Variants in DCDC2C observed in about 807,000 individuals in gnomAD.
DCDC2C encodes the protein doublecortin domain containing 2C, also known as doublecortin domain-containing protein 2C.
A neutral mutation model predicts 45.0 loss-of-function variants in DCDC2C; 44 were observed. The observed-to-expected ratio is 0.98, with a 90% confidence interval of 0.77 to 1.26. The LOEUF is 1.26. Ranked by LOEUF, DCDC2C falls within the 50% of genes most tolerant of loss-of-function variation. DCDC2C has a pLI of 0.00. For missense variants in DCDC2C, 447 were observed against 468.9 expected (o/e 0.95, Z 0.43); for synonymous variants, 187 against 178.8 (o/e 1.05, Z -0.37).
intron 7 of DCDC2C, 171 bp from the exon 8 acceptor site, chr2:3,769,140 G>A: frequency 1.7e-6 from 1 of 590,894 alleles, no homozygotes; most frequent in Non-Finnish European, 3.0e-6. Flanking sequence ...CAAACAGGAA[G>A]GGCGAGAGGG....
At chr2:3,801,535 A>C (rs567010078) in intron 10 of DCDC2C, among the ~76,000 whole-genome samples, 1 of 152,380 alleles carries the variant, frequency 6.6e-6, no homozygotes, top group South Asian at 2.1e-4. Flanking sequence ...AAAATCTCTA[A>C]AACTGTAACA....
At chr2:3,793,884 G>A (rs1572622984) in intron 10 of DCDC2C, among the ~76,000 whole-genome samples, 1 of 152,188 alleles carries the variant, frequency 6.6e-6, no homozygotes, top group Non-Finnish European at 1.5e-5. Flanking sequence ...TTTTAATGCA[G>A]TCTTTCTATT....
intron 3 of DCDC2C, among the ~76,000 whole-genome samples, chr2:3,739,852 G>A (rs1336428925): frequency 6.6e-6 from 1 of 152,242 alleles, no homozygotes; most frequent in African/African-American, 2.4e-5. Context: ...AGAGCAGCCT[G>A]TAACACAGGC....
chr2:3,821,888 G>A (rs1671696042), intron 10 of DCDC2C, among the ~76,000 whole-genome samples: 3 of 152,104 alleles, frequency 2.0e-5, no homozygotes. Flanking sequence ...ATAATTAAAT[G>A]CTTTATATTA....
At chr2:3,704,189 G>A (rs1369899480) in intron 1 of DCDC2C, 151 bp downstream of exon 1, 5 of 720,434 alleles carry the variant, frequency 6.9e-6, no homozygotes, top group Admixed American at 4.4e-5. Context: ...CGCAGCCGGC[G>A]TCGGGCCGCC....
At chr2:3,778,935 A>AGAG in intron 9 of DCDC2C, 51 bp downstream of exon 9, 1 of 1,500,718 alleles carries the variant, frequency 6.7e-7, no homozygotes, top group Non-Finnish European at 9.1e-7. Flanking sequence ...GGCACCTGAC[A>AGAG]CTTTGAACAG....
intron 3 of DCDC2C, 139 bp downstream of exon 3, chr2:3,727,218 C>A: frequency 1.5e-6 from 1 of 651,800 alleles, no homozygotes. Flanking sequence ...TGTGCTCTCA[C>A]TTCCTGACAG....
chr2:3,725,477 CAGAGGAAGACGAGCAGAGAG>C (rs1668626794), intron 2 of DCDC2C, among the ~76,000 whole-genome samples: 1 of 28,788 alleles, frequency 3.5e-5, no homozygotes, highest in Non-Finnish European at 1.0e-4. Flanking sequence ...CGGTGGATCC[CAGAGGAAGACGAGCAGAGAG>C]GGAGGAGGCT....
At chr2:3,779,307 G>T (rs1455599481) in intron 9 of DCDC2C, among the ~76,000 whole-genome samples, 1 of 152,192 alleles carries the variant, frequency 6.6e-6, no homozygotes, top group Non-Finnish European at 1.5e-5. Context: ...CCGCCGGGGA[G>T]CACGAGGGTG....
In DCDC2C at chr2:3,741,821, A is replaced by G. The variant is rs1669219067; in HGVS notation, c.417-99A>G. On this transcript the variant is annotated intron_variant, in intron 3 of 10. Transcript: ENST00000399143. ...TATTGGAGGCTGCTTAGTGCATCTC[A>G]TTGTTTTTACAGTTCTGTAATTGTA... is the stretch of plus-strand genomic sequence containing the variant. 6.2e-6 allele frequency: 8 copies of G among 1,300,802 alleles called. No individual in the cohort carries two copies. The South Asian group carries it at 1.1e-4, about 18-fold the overall frequency. The allele number at this position is 1,300,802 out of a possible 1,614,324, so 80.6% of individuals were successfully genotyped here.
At chr2:3,792,311 G>T (rs1319482640) in intron 10 of DCDC2C, among the ~76,000 whole-genome samples, 1 of 152,198 alleles carries the variant, frequency 6.6e-6, no homozygotes, top group Non-Finnish European at 1.5e-5. Context: ...CCAGCCCCTG[G>T]TGTCTGGGGC....
At chr2:3,820,783 A>T (rs1263308635) in intron 10 of DCDC2C, among the ~76,000 whole-genome samples, 1 of 152,076 alleles carries the variant, frequency 6.6e-6, no homozygotes, top group Non-Finnish European at 1.5e-5. Context: ...GAGAGGCTGG[A>T]GAAGAGAGTG....
chr2:3,745,725 C>G (rs1348036816), intron 4 of DCDC2C, among the ~76,000 whole-genome samples: 2 of 151,914 alleles, frequency 1.3e-5, no homozygotes, highest in African/African-American at 2.4e-5. Flanking sequence ...GAAACGAAGA[C>G]AGTTCTTTTT....
intron 2 of DCDC2C, among the ~76,000 whole-genome samples, chr2:3,711,925 A>G (rs936445548): frequency 6.6e-6 from 1 of 152,184 alleles, no homozygotes; most frequent in Non-Finnish European, 1.5e-5. Context: ...GAGCAGTATC[A>G]TGTCAGCGTG....
chr2:3,764,349 G>C (rs1203129462), intron 6 of DCDC2C, among the ~76,000 whole-genome samples: 2 of 152,186 alleles, frequency 1.3e-5, no homozygotes, highest in African/African-American at 4.8e-5. Context: ...CTTTTAGTCA[G>C]TTTTCCAACT....
At chr2:3,822,180 G>A (rs1439882409) in intron 10 of DCDC2C, among the ~76,000 whole-genome samples, 1 of 152,156 alleles carries the variant, frequency 6.6e-6, no homozygotes, top group Non-Finnish European at 1.5e-5. Flanking sequence ...TGGCTGAATA[G>A]TATTCCATTG....
intron 2 of DCDC2C, 137 bp from the exon 3 acceptor site, chr2:3,726,866 C>G: frequency 1.4e-6 from 1 of 715,468 alleles, no homozygotes; most frequent in Non-Finnish European, 2.4e-6. Flanking sequence ...CCTTCCTGGA[C>G]CCGCCCCTGG....
chr2:3,706,645 C>G (rs1333400778), intron 1 of DCDC2C, among the ~76,000 whole-genome samples: 1 of 152,190 alleles, frequency 6.6e-6, no homozygotes, highest in Non-Finnish European at 1.5e-5. Context: ...GTTGCTGAGA[C>G]ATGAATGTGA....
intron 10 of DCDC2C, among the ~76,000 whole-genome samples, chr2:3,846,609 A>G (rs2148251098): frequency 6.6e-6 from 1 of 152,352 alleles, no homozygotes; most frequent in East Asian, 1.9e-4. Context: ...TAATGGATAC[A>G]TAATTTAAAA....
Sources: gnomAD v4.1 joint callset for allele counts (sites outside exome capture counted in the v4.1 genomes callset) on GRCh38, gnomAD v4.1.1 for gene constraint, MANE v1.5 for transcripts, NCBI Gene and HGNC (gene_info 2026-07-23, HGNC 2026-07-21) for gene names.